Variants in ACTN4 observed in about 807,000 individuals in gnomAD.
The protein encoded by ACTN4 is alpha-actinin-4.
Under a neutral mutation model 114.2 loss-of-function variants are expected in ACTN4, and 18 were observed. The observed-to-expected ratio is 0.16, with a 90% CI of 0.11 to 0.23. ACTN4 has a LOEUF of 0.23. Ranked by LOEUF, ACTN4 falls within the 10% of genes least tolerant of loss-of-function variation. The probability of loss-of-function intolerance (pLI) is 1.00; values close to 1 mark genes in which losing one functional copy is unlikely to be tolerated. For synonymous variants in ACTN4, 515 were observed against 506.3 expected (o/e 1.02, Z -0.23); for missense variants, 722 against 1,262.9 (o/e 0.57, Z 6.49).
At chr19:38,698,217 C>T (rs1244888332) in intron 1 of ACTN4, among the ~76,000 whole-genome samples, 5 of 152,092 alleles carry the variant, frequency 3.3e-5, no homozygotes, top group South Asian at 4.1e-4. Context: ...TTGCCATGCA[C>T]GCTGCAGGCA....
At chr19:38,720,495 G>A (rs1469903672) in intron 11 of ACTN4, among the ~76,000 whole-genome samples, 1 of 152,244 alleles carries the variant, frequency 6.6e-6, no homozygotes, top group Admixed American at 6.5e-5. Flanking sequence ...AGCAGGGCCG[G>A]TGGAGCCAGA....
At chr19:38,679,414 A>C (rs920812934) in intron 1 of ACTN4, among the ~76,000 whole-genome samples, 4 of 151,992 alleles carry the variant, frequency 2.6e-5, no homozygotes, top group African/African-American at 9.7e-5. Flanking sequence ...TACATAACCC[A>C]CACACACAGA....
intron 1 of ACTN4, among the ~76,000 whole-genome samples, chr19:38,697,530 G>A (rs529971699): frequency 2.6e-4 from 40 of 152,384 alleles, no homozygotes; most frequent in African/African-American, 9.4e-4. Flanking sequence ...AGTAGGTAAA[G>A]TCACTTGGTT....
At chr19:38,704,184 G>C (rs114773714) in intron 3 of ACTN4, among the ~76,000 whole-genome samples, 1 of 152,226 alleles carries the variant, frequency 6.6e-6, no homozygotes, top group South Asian at 2.1e-4. Flanking sequence ...TGTGGCATGC[G>C]TCTGTGGTCC....
intron 11 of ACTN4, among the ~76,000 whole-genome samples, chr19:38,720,672 T>C (rs1969009248): frequency 6.6e-6 from 1 of 152,226 alleles, no homozygotes; most frequent in Admixed American, 6.5e-5. Context: ...AATAGTTCCA[T>C]GCCACACAGG....
At chr19:38,671,185 C>T (rs1568686886) in intron 1 of ACTN4, among the ~76,000 whole-genome samples, 3 of 152,168 alleles carry the variant, frequency 2.0e-5, no homozygotes, top group African/African-American at 7.2e-5. Context: ...CTGTGGTTTT[C>T]CAGCCTCCGG....
chr19:38,730,788 G>GGTGGTGGT lies in ACTN4; in HGVS notation c.*1356_*1357insGTGGTGGT. ...GAGAGTGGCACCCATGCCAGGCAAG[G>GGTGGTGGT]CCTAGGGAGGTGGTCTTGCTCAGCA... On this transcript the variant is annotated 3_prime_UTR_variant, in exon 21 of 21. Transcript: ENST00000252699. 1 of 1,536,908 alleles carries GGTGGTGGT rather than the reference G, an allele frequency of 6.5e-7. No homozygotes were observed. The highest frequency in any genetic ancestry group is 8.8e-7 in the Non-Finnish European group (1 of 1,135,928).
rs1390768348 is a variant in ACTN4, at chr19:38,708,206, C to T, written c.651+11C>T. The T allele has an allele frequency of 1.9e-6, 3 of 1,613,952 alleles. No individual in the cohort carries two copies. The highest frequency in any genetic ancestry group is 3.3e-4 in the Middle Eastern group (2 of 6,010). On this transcript the variant is annotated intron_variant, in intron 6 of 20. Coordinates refer to ENST00000252699, the MANE Select transcript of ACTN4 (RefSeq NM_004924.6). ...GACAAGCTGAGGAAGGTGAGTGTCT[C>T]CAGCTCCCCTTGATGGCCCACAGAC...
At position 38,730,975 on chromosome 19, in the gene ACTN4, G is replaced by GC; in HGVS notation, c.*1543_*1544insC. 6.4e-6 allele frequency: 10 copies of GC among 1,550,950 alleles called. No homozygotes were observed. The highest frequency in any genetic ancestry group is 3.3e-4 in the Middle Eastern group (2 of 5,992). On this transcript the variant is annotated 3_prime_UTR_variant, in exon 21 of 21. Coordinates refer to ENST00000252699, the MANE Select transcript of ACTN4 (RefSeq NM_004924.6). The stretch of plus-strand genomic sequence containing the variant: ...TCCCACCTGGCTCACCTGTCTGTGG[G>GC]TCAGGCAGATGACCCCCTCACCCCC...
At chr19:38,673,475 T>TATATATTTATATATATTCATA (rs1555826087) in intron 1 of ACTN4, among the ~76,000 whole-genome samples, 4 of 64,276 alleles carry the variant, frequency 6.2e-5, no homozygotes, top group African/African-American at 1.6e-4. Context: ...TTATATATAT[T>TATATATTTATATATATTCATA]TATATATATA....
At chr19:38,654,517 A>C (rs1355787605) in intron 1 of ACTN4, among the ~76,000 whole-genome samples, 1 of 150,474 alleles carries the variant, frequency 6.6e-6, no homozygotes, top group Non-Finnish European at 1.5e-5. Context: ...AGCTGAGATC[A>C]CGCCACTGCA....
At chr19:38,659,505 G>A (rs1288120459) in intron 1 of ACTN4, among the ~76,000 whole-genome samples, 2 of 152,146 alleles carry the variant, frequency 1.3e-5, no homozygotes, top group Non-Finnish European at 2.9e-5. Context: ...ACTCCTATTA[G>A]CCTTGTAGAA....
At chr19:38,703,620 A>G (rs1309916059) in intron 3 of ACTN4, among the ~76,000 whole-genome samples, 2 of 152,198 alleles carry the variant, frequency 1.3e-5, no homozygotes, top group Admixed American at 1.3e-4. Context: ...CTGACAACAC[A>G]GCAGCCATGC....
At chr19:38,666,174 C>G (rs1014893728) in intron 1 of ACTN4, among the ~76,000 whole-genome samples, 1 of 152,210 alleles carries the variant, frequency 6.6e-6, no homozygotes, top group South Asian at 2.1e-4. Flanking sequence ...CCCGCGCCCC[C>G]CCCTTTCCTG....
At chr19:38,708,279 C>G in intron 6 of ACTN4, 84 bp downstream of exon 6, 1 of 1,442,070 alleles carries the variant, frequency 6.9e-7, no homozygotes, top group Admixed American at 1.7e-5. Flanking sequence ...CCATGCCCTT[C>G]CATCGCCAGC....
chr19:38,698,027 A>G (rs1221688286), intron 1 of ACTN4, among the ~76,000 whole-genome samples: 1 of 152,210 alleles, frequency 6.6e-6, no homozygotes, highest in Non-Finnish European at 1.5e-5. Context: ...GCTCATGTGC[A>G]TGCAACATCC....
chr19:38,725,953 C>T (rs1463428775), intron 17 of ACTN4, 50 bp downstream of exon 17: 1 of 1,606,832 alleles, frequency 6.2e-7, no homozygotes, highest in African/African-American at 1.3e-5. Context: ...GGCCGGCTTC[C>T]TCACTGGAAA....
intron 8 of ACTN4, among the ~76,000 whole-genome samples, chr19:38,712,555 GC>G (rs1968691935): frequency 6.6e-6 from 1 of 152,094 alleles, no homozygotes; most frequent in South Asian, 2.1e-4. Flanking sequence ...CCAGCCTCGG[GC>G]CAGAAAGGCC....
At chr19:38,672,720 T>C (rs1360140082) in intron 1 of ACTN4, among the ~76,000 whole-genome samples, 6 of 151,214 alleles carry the variant, frequency 4.0e-5, no homozygotes, top group African/African-American at 9.7e-5. Context: ...ATAACAGGCA[T>C]GTGCCACCAC....
Sources: allele counts gnomAD v4.1 joint callset (sites outside exome capture counted in the v4.1 genomes callset), GRCh38; gene constraint gnomAD v4.1.1; transcripts MANE v1.5; gene names NCBI Gene and HGNC (gene_info 2026-07-23, HGNC 2026-07-21).